Variants in PDZRN3 observed in about 807,000 individuals in gnomAD.
PDZRN3 encodes the protein PDZ domain containing ring finger 3.
Under a neutral mutation model 85.7 loss-of-function variants are expected in PDZRN3, and 38 were observed. The ratio of observed to expected loss-of-function variants is 0.44; its 90% CI spans 0.34 to 0.58. PDZRN3 has a LOEUF of 0.58. Ranked by LOEUF, PDZRN3 falls within the 20% of genes least tolerant of loss-of-function variation. The pLI is 0.01. For missense variants in PDZRN3, 1,629 were observed against 1,506.4 expected (o/e 1.08, Z -1.35); for synonymous variants, 759 against 638.0 (o/e 1.19, Z -2.86).
chr3:73,495,044 T>C (rs749434758), intron 3 of PDZRN3, among the ~76,000 whole-genome samples: 1 of 152,106 alleles, frequency 6.6e-6, no homozygotes, highest in Non-Finnish European at 1.5e-5. Flanking sequence ...GGAATGCAAA[T>C]GCTGGAAAAC....
intron 3 of PDZRN3, among the ~76,000 whole-genome samples, chr3:73,590,508 C>T (rs1702343094): frequency 6.6e-6 from 1 of 152,134 alleles, no homozygotes; most frequent in Admixed American, 6.5e-5. Context: ...TACTAAGATG[C>T]TAACTTGGGC....
At chr3:73,614,374 A>G (rs1702730656) in intron 1 of PDZRN3, among the ~76,000 whole-genome samples, 3 of 152,180 alleles carry the variant, frequency 2.0e-5, no homozygotes, top group South Asian at 4.1e-4. Context: ...TGGACACAAG[A>G]CATCTCCTAA....
intron 3 of PDZRN3, among the ~76,000 whole-genome samples, chr3:73,585,727 A>G (rs987280774): frequency 6.6e-6 from 1 of 152,220 alleles, no homozygotes; most frequent in Admixed American, 6.5e-5. Flanking sequence ...CACACTCAAA[A>G]TAGGTGTCAG....
At chr3:73,436,629 ACT>A (rs963716355) in intron 3 of PDZRN3, among the ~76,000 whole-genome samples, 1 of 151,512 alleles carries the variant, frequency 6.6e-6, no homozygotes, top group African/African-American at 2.4e-5. Flanking sequence ...CATCCTTTTT[ACT>A]CTTTGTTAGA....
At chr3:73,554,644 T>G (rs1701647760) in intron 3 of PDZRN3, among the ~76,000 whole-genome samples, 1 of 152,124 alleles carries the variant, frequency 6.6e-6, no homozygotes, top group African/African-American at 2.4e-5. Context: ...TATCCCAACT[T>G]AGAAAGGTCT....
intron 3 of PDZRN3, among the ~76,000 whole-genome samples, chr3:73,410,401 G>A (rs1701942286): frequency 6.6e-6 from 1 of 152,208 alleles, no homozygotes. Flanking sequence ...ATCTGTAGAT[G>A]GCACTGCCAC....
intron 3 of PDZRN3, among the ~76,000 whole-genome samples, chr3:73,492,342 G>C (rs948714426): frequency 1.3e-5 from 2 of 152,166 alleles, no homozygotes; most frequent in African/African-American, 4.8e-5. Context: ...TCATAGGCTG[G>C]GCTGTGTGCC....
chr3:73,412,436 C>T (rs748145990), intron 3 of PDZRN3, among the ~76,000 whole-genome samples: 4 of 152,216 alleles, frequency 2.6e-5, no homozygotes, highest in Non-Finnish European at 5.9e-5. Flanking sequence ...TGTTATCACA[C>T]GGAGTTAAAA....
At chr3:73,588,166 G>A (rs1702304690) in intron 3 of PDZRN3, among the ~76,000 whole-genome samples, 2 of 152,046 alleles carry the variant, frequency 1.3e-5, no homozygotes, top group African/African-American at 4.8e-5. Context: ...TCCTACTCAT[G>A]AGTGAGAACG....
In PDZRN3 at chr3:73,445,940, G is replaced by A. The variant is rs181548719; in HGVS notation, c.919-41545C>T. Among the ~76,000 whole-genome samples, 17 of 152,304 alleles carry A rather than the reference G, an allele frequency of 1.1e-4. No homozygotes were observed. The East Asian group carries it at 2.3e-3, about 21-fold the overall frequency. Reference sequence around the variant, plus strand: ...CTGATATTAGTGGGCTTGCTGAAGCGAAACAGTAATATCAGAGAGATACAA... The same window carrying A: ...CTGATATTAGTGGGCTTGCTGAAGCAAAACAGTAATATCAGAGAGATACAA... On this transcript the variant is annotated intron_variant, in intron 3 of 9. Coordinates refer to ENST00000263666, the MANE Select transcript of PDZRN3 (RefSeq NM_015009.3).
intron 3 of PDZRN3, among the ~76,000 whole-genome samples, chr3:73,560,336 A>G (rs1701790481): frequency 6.6e-6 from 1 of 152,188 alleles, no homozygotes; most frequent in African/African-American, 2.4e-5. Context: ...AGAGGCCAGG[A>G]AAGAGAGAGT....
At chr3:73,490,707 A>G (rs1703754088) in intron 3 of PDZRN3, among the ~76,000 whole-genome samples, 1 of 152,236 alleles carries the variant, frequency 6.6e-6, no homozygotes, top group Non-Finnish European at 1.5e-5. Context: ...TCATAGTCAC[A>G]TAAAAATGAC....
intron 3 of PDZRN3, among the ~76,000 whole-genome samples, chr3:73,481,275 T>C (rs2106905356): frequency 6.6e-6 from 1 of 152,358 alleles, no homozygotes; most frequent in South Asian, 2.1e-4. Flanking sequence ...AACTTTTCCC[T>C]TGACTTAGAA....
intron 5 of PDZRN3, among the ~76,000 whole-genome samples, chr3:73,395,784 GC>G (rs779574974): frequency 4.6e-5 from 7 of 152,146 alleles, no homozygotes; most frequent in Non-Finnish European, 1.0e-4. Flanking sequence ...GGGTAACAAG[GC>G]ATTTTATTCC....
chr3:73,498,984 T>C (rs920367157), intron 3 of PDZRN3, among the ~76,000 whole-genome samples: 2 of 152,108 alleles, frequency 1.3e-5, no homozygotes, highest in Non-Finnish European at 2.9e-5. Flanking sequence ...CAAGCTGGGG[T>C]AGCAGGGTCC....
chr3:73,430,560 T>C (rs942599930), intron 3 of PDZRN3, among the ~76,000 whole-genome samples: 3 of 152,140 alleles, frequency 2.0e-5, no homozygotes, highest in Non-Finnish European at 4.4e-5. Flanking sequence ...CCTCAAAGCA[T>C]CCACAGACTG....
At chr3:73,461,119 T>G (rs1256916487) in intron 3 of PDZRN3, among the ~76,000 whole-genome samples, 1 of 152,174 alleles carries the variant, frequency 6.6e-6, no homozygotes, top group Non-Finnish European at 1.5e-5. Flanking sequence ...TTTGCTATTA[T>G]TCATTGTAGT....
intron 3 of PDZRN3, among the ~76,000 whole-genome samples, chr3:73,421,219 C>T (rs1351803133): frequency 1.3e-5 from 2 of 152,198 alleles, no homozygotes; most frequent in African/African-American, 4.8e-5. Flanking sequence ...CTCACACACA[C>T]ATTAAAGCTC....
chr3:73,469,202 A>G (rs1703284976), intron 3 of PDZRN3, among the ~76,000 whole-genome samples: 1 of 151,716 alleles, frequency 6.6e-6, no homozygotes, highest in Non-Finnish European at 1.5e-5. Context: ...CCTCCCGAAT[A>G]GCTGGAATTA....
Sources: allele counts gnomAD v4.1 joint callset (sites outside exome capture counted in the v4.1 genomes callset), GRCh38; gene constraint gnomAD v4.1.1; transcripts MANE v1.5; gene names NCBI Gene and HGNC (gene_info 2026-07-23, HGNC 2026-07-21).